ST6GALNAC3: variants seen among roughly 807,000 people sequenced by gnomAD.
The protein encoded by ST6GALNAC3 is ST6 N-acetylgalactosaminide alpha-2,6-sialyltransferase 3.
In ST6GALNAC3, 25 loss-of-function variants were observed where a neutral mutation model predicts 32.7. The observed-to-expected ratio is 0.76, with a 90% CI of 0.56 to 1.07. The LOEUF (loss-of-function observed/expected upper bound fraction) is 1.07. ST6GALNAC3 is among the 50% of genes least tolerant of loss of function. The pLI, the probability that ST6GALNAC3 is intolerant of heterozygous loss-of-function variation, is 0.00. For missense variants in ST6GALNAC3, 355 were observed against 382.4 expected (o/e 0.93, Z 0.60); for synonymous variants, 129 against 133.1 (o/e 0.97, Z 0.21).
intron 3 of ST6GALNAC3, among the ~76,000 whole-genome samples, chr1:76,599,381 T>A (rs987710519): frequency 2.6e-5 from 4 of 152,120 alleles, no homozygotes; most frequent in Non-Finnish European, 4.4e-5. Context: ...TCTGCACCCA[T>A]CCACCCATTA....
Position 76,074,771 on chromosome 1 carries a change from A to G in ST6GALNAC3, c.-96A>G. On this transcript the variant is annotated 5_prime_UTR_variant, in exon 1 of 5. Coordinates refer to ENST00000328299, the MANE Select transcript of ST6GALNAC3 (RefSeq NM_152996.4). ...GGATCTGCGGGAATGTGGGCTGGAG[A>G]GGTCCTGCCGTGGTACCAGCCTCCA... 7.4e-7 allele frequency: 1 copy of G among 1,350,544 alleles called. No homozygotes were observed. Among genetic ancestry groups the G allele is most frequent in the Non-Finnish European group, 1.0e-6 (1 of 980,054 alleles). The allele number at this position is 1,350,544 out of a possible 1,614,324, so 83.7% of individuals were successfully genotyped here.
At chr1:76,635,598 A>G (rs1034220841), downstream of ST6GALNAC3, among the ~76,000 whole-genome samples, 1 of 152,178 alleles carries the variant, frequency 6.6e-6, no homozygotes, top group African/African-American at 2.4e-5. Flanking sequence ...AGGCTAATAA[A>G]TGTAACCAAT....
chr1:76,139,676 C>T (rs1214719786), intron 1 of ST6GALNAC3, among the ~76,000 whole-genome samples: 1 of 152,146 alleles, frequency 6.6e-6, no homozygotes, highest in Non-Finnish European at 1.5e-5. Flanking sequence ...TTGCCTAGTG[C>T]CAGGTTTCTG....
chr1:76,209,205 T>G (rs1415754943), intron 1 of ST6GALNAC3, among the ~76,000 whole-genome samples: 1 of 152,204 alleles, frequency 6.6e-6, no homozygotes, highest in Non-Finnish European at 1.5e-5. Flanking sequence ...TTGTGTCTAT[T>G]ATAATGTCTG....
intron 1 of ST6GALNAC3, among the ~76,000 whole-genome samples, chr1:76,312,338 C>G (rs966595886): frequency 1.3e-5 from 2 of 152,232 alleles, no homozygotes; most frequent in Middle Eastern, 3.4e-3. Context: ...AAAACCTAGG[C>G]AGTATCATTC....
intron 3 of ST6GALNAC3, among the ~76,000 whole-genome samples, chr1:76,427,098 G>A (rs1655445719): frequency 6.6e-6 from 1 of 152,056 alleles, no homozygotes; most frequent in Non-Finnish European, 1.5e-5. Context: ...GGTCTCCTTA[G>A]TGGTACAGAG....
At chr1:76,463,727 G>A (rs1173100362) in intron 3 of ST6GALNAC3, among the ~76,000 whole-genome samples, 2 of 152,114 alleles carry the variant, frequency 1.3e-5, no homozygotes, top group Non-Finnish European at 2.9e-5. Flanking sequence ...TCTACGGGTA[G>A]ACTGAAGATC....
At chr1:76,244,510 A>G (rs1308976246) in intron 1 of ST6GALNAC3, among the ~76,000 whole-genome samples, 7 of 152,200 alleles carry the variant, frequency 4.6e-5, no homozygotes, top group Non-Finnish European at 7.3e-5. Flanking sequence ...GAGAGAGGGC[A>G]TTCTTGTCTT....
At chr1:76,559,216 C>T (rs952973728) in intron 3 of ST6GALNAC3, among the ~76,000 whole-genome samples, 6 of 152,088 alleles carry the variant, frequency 3.9e-5, no homozygotes, top group South Asian at 2.1e-4. Flanking sequence ...CCATAGATGA[C>T]GGGAAGCTAC....
At chr1:76,223,072 C>T (rs182689853) in intron 1 of ST6GALNAC3, among the ~76,000 whole-genome samples, 1 of 152,210 alleles carries the variant, frequency 6.6e-6, no homozygotes, top group Non-Finnish European at 1.5e-5. Context: ...AATCATTCTA[C>T]CATAAAGACA....
At chr1:76,159,241 TGCAGTGGCAC>T (rs933539274) in intron 1 of ST6GALNAC3, among the ~76,000 whole-genome samples, 2 of 152,158 alleles carry the variant, frequency 1.3e-5, no homozygotes, top group African/African-American at 2.4e-5. Flanking sequence ...CAGGCTGGAG[TGCAGTGGCAC>T]GATCTTGGCT....
At chr1:76,080,115 G>A (rs1024611282) in intron 1 of ST6GALNAC3, among the ~76,000 whole-genome samples, 5 of 152,190 alleles carry the variant, frequency 3.3e-5, no homozygotes, top group Admixed American at 6.5e-5. Flanking sequence ...AAAAGTATGC[G>A]AGGAGTTTGA....
At chr1:76,292,188 T>C (rs934862250) in intron 1 of ST6GALNAC3, among the ~76,000 whole-genome samples, 1 of 152,244 alleles carries the variant, frequency 6.6e-6, no homozygotes, top group Non-Finnish European at 1.5e-5. Flanking sequence ...TACAGCAACA[T>C]TGAAAATATG....
At chr1:76,520,338 C>T (rs116398947) in intron 3 of ST6GALNAC3, among the ~76,000 whole-genome samples, 3,988 of 152,222 alleles carry the variant, frequency 0.026, 142 homozygotes, top group African/African-American at 0.087. Context: ...CACAGGAGAC[C>T]ATAAGTTATC....
At chr1:76,508,375 C>T (rs1661612656) in intron 3 of ST6GALNAC3, among the ~76,000 whole-genome samples, 1 of 152,170 alleles carries the variant, frequency 6.6e-6, no homozygotes, top group African/African-American at 2.4e-5. Flanking sequence ...GGGACAGGTA[C>T]CGGTCTGTGG....
At chr1:76,240,217 G>T (rs987150081) in intron 1 of ST6GALNAC3, among the ~76,000 whole-genome samples, 1 of 152,210 alleles carries the variant, frequency 6.6e-6, no homozygotes, top group Non-Finnish European at 1.5e-5. Context: ...TTTCACTAGT[G>T]ATGTGGTATG....
chr1:76,262,321 A>G (rs1035131027), intron 1 of ST6GALNAC3, among the ~76,000 whole-genome samples: 2 of 152,228 alleles, frequency 1.3e-5, no homozygotes, highest in African/African-American at 4.8e-5. Context: ...GCCTGACACC[A>G]GTGCCACTGT....
At chr1:76,235,517 A>C (rs1240453281) in intron 1 of ST6GALNAC3, among the ~76,000 whole-genome samples, 1 of 152,014 alleles carries the variant, frequency 6.6e-6, no homozygotes, top group Non-Finnish European at 1.5e-5. Context: ...AAAATAAATA[A>C]GTAAAATAAA....
At chr1:76,158,973 T>C (rs1284041047) in intron 1 of ST6GALNAC3, among the ~76,000 whole-genome samples, 1 of 152,152 alleles carries the variant, frequency 6.6e-6, no homozygotes, top group Non-Finnish European at 1.5e-5. Context: ...CCCTTCGTCA[T>C]GTCATGTATC....
Sources: gnomAD v4.1 joint callset for allele counts (sites outside exome capture counted in the v4.1 genomes callset) on GRCh38, gnomAD v4.1.1 for gene constraint, MANE v1.5 for transcripts, NCBI Gene and HGNC (gene_info 2026-07-23, HGNC 2026-07-21) for gene names.